NAV2: variants seen among roughly 807,000 people sequenced by gnomAD.
NAV2 encodes the protein neuron navigator 2.
Under a neutral mutation model 223.2 loss-of-function variants are expected in NAV2, and 54 were observed. The observed-to-expected ratio is 0.24, with a 90% confidence interval of 0.19 to 0.30. NAV2 has a LOEUF of 0.30. Among genes scored for constraint, NAV2 ranks in the 10% least tolerant of loss-of-function variants. NAV2 has a pLI of 1.00. For missense variants in NAV2, 2,806 were observed against 3,147.5 expected, an observed-to-expected ratio of 0.89 and a Z score of 2.60; for synonymous variants, 1,279 against 1,239.3, an observed-to-expected ratio of 1.03 and a Z score of -0.67.
At chr11:20,055,709 A>G (rs1034743210) in intron 18 of NAV2, 60 bp from the exon 19 acceptor site, 4 of 1,482,146 alleles carry the variant, frequency 2.7e-6, no homozygotes, top group Non-Finnish European at 3.7e-6. Context: ...TTTGTCCCCA[A>G]CCAGGATTTG....
intron 1 of NAV2, among the ~76,000 whole-genome samples, chr11:19,430,388 C>G (rs1013641980): frequency 6.6e-6 from 1 of 152,230 alleles, no homozygotes; most frequent in African/African-American, 2.4e-5. Context: ...TCAGTCCCCT[C>G]TCGCATAGCC....
chr11:19,845,929 T>C (rs11605278), intron 3 of NAV2, among the ~76,000 whole-genome samples: 1 of 152,000 alleles, frequency 6.6e-6, no homozygotes, highest in Non-Finnish European at 1.5e-5. Context: ...AATACACAGG[T>C]GACCAAGATG....
chr11:19,488,778 A>G (rs193054930), intron 1 of NAV2, among the ~76,000 whole-genome samples: 49 of 152,372 alleles, frequency 3.2e-4, no homozygotes, highest in Non-Finnish European at 5.3e-4. Flanking sequence ...CTGTACAAAT[A>G]CAAATAATGT....
At chr11:19,892,204 A>G (rs780965722) in intron 5 of NAV2, among the ~76,000 whole-genome samples, 7 of 152,126 alleles carry the variant, frequency 4.6e-5, no homozygotes, top group Non-Finnish European at 8.8e-5. Context: ...TTCTTCATCA[A>G]AATTTTTCTC....
intron 1 of NAV2, among the ~76,000 whole-genome samples, chr11:19,393,143 G>A (rs111854704): frequency 1.3e-5 from 2 of 152,186 alleles, no homozygotes; most frequent in African/African-American, 2.4e-5. Context: ...TTCCCAGACT[G>A]TCCATCCCTC....
chr11:19,616,908 T>C (rs2046813357), intron 1 of NAV2, among the ~76,000 whole-genome samples: 1 of 152,076 alleles, frequency 6.6e-6, no homozygotes, highest in East Asian at 1.9e-4. Flanking sequence ...AATTCTGCCT[T>C]TGCCATGTAC....
At chr11:19,841,562 A>C (rs2060511960) in intron 2 of NAV2, among the ~76,000 whole-genome samples, 1 of 152,220 alleles carries the variant, frequency 6.6e-6, no homozygotes. Context: ...AGGCTCTCAC[A>C]GCATATTTTG....
intron 35 of NAV2, among the ~76,000 whole-genome samples, chr11:20,106,147 GTGTGTGTGTATATATATATATATATATA>G (rs1410520684): frequency 0.013 from 276 of 22,006 alleles, 12 homozygotes; most frequent in African/African-American, 0.015. Flanking sequence ...GTTCATATGT[GTGTGTGTGTATATATATATATATATATA>G]TGTGTGTGTA....
At chr11:19,915,729 C>T (rs2043745814) in intron 6 of NAV2, among the ~76,000 whole-genome samples, 1 of 152,210 alleles carries the variant, frequency 6.6e-6, no homozygotes, top group Admixed American at 6.5e-5. Context: ...TAGTTGTCCT[C>T]CCCAGGTTCC....
In NAV2 at chr11:19,488,586, T is replaced by A. The variant is rs982223548; in HGVS notation, c.75+137559T>A. ...ACCCTACAGGGAGTGATTTCATAAA[T>A]CATCAGTTGCTTTACCTCTAAATTG... On this transcript the variant is annotated intron_variant, in intron 1 of 37. Transcript: ENST00000360655. Among the ~76,000 whole-genome samples the A allele has an allele frequency of 6.6e-5, 10 of 152,334 alleles. No individual in the cohort carries two copies. In the South Asian group the frequency reaches 1.5e-3, roughly 22 times the overall value.
intron 17 of NAV2, among the ~76,000 whole-genome samples, chr11:20,053,318 TCTCAA>T (rs2058146261): frequency 6.7e-6 from 1 of 148,358 alleles, no homozygotes; most frequent in Non-Finnish European, 1.5e-5. Flanking sequence ...TGGATTGAAA[TCTCAA>T]CTCTGTGACT....
At chr11:19,938,079 G>A (rs2046070227) in intron 7 of NAV2, among the ~76,000 whole-genome samples, 1 of 152,218 alleles carries the variant, frequency 6.6e-6, no homozygotes, top group Non-Finnish European at 1.5e-5. Context: ...GCCATGTGGA[G>A]AGAAGCCACA....
chr11:19,664,370 T>C (rs1240491819), intron 1 of NAV2, among the ~76,000 whole-genome samples: 1 of 152,192 alleles, frequency 6.6e-6, no homozygotes, highest in Admixed American at 6.5e-5. Flanking sequence ...GAGCTAGATT[T>C]GCCAGTTTCC....
chr11:19,959,867 TCCC>T (rs879879209), intron 10 of NAV2, among the ~76,000 whole-genome samples: 1 of 151,952 alleles, frequency 6.6e-6, no homozygotes, highest in South Asian at 2.1e-4. Flanking sequence ...TGCTCCTTCT[TCCC>T]CCCCCACCAT....
intron 1 of NAV2, among the ~76,000 whole-genome samples, chr11:19,393,906 C>CTT (rs5790073): frequency 0.03 from 4,133 of 135,592 alleles, 256 homozygotes; most frequent in African/African-American, 0.1. Context: ...TTTTTTTTTT[C>CTT]TTTTTTTTTT....
At chr11:19,689,881 T>A (rs556656631) in intron 1 of NAV2, among the ~76,000 whole-genome samples, 1 of 152,322 alleles carries the variant, frequency 6.6e-6, no homozygotes, top group African/African-American at 2.4e-5. Flanking sequence ...TGCACGATAC[T>A]GACTATCATA....
chr11:20,007,219 G>A (rs1172957916), intron 11 of NAV2, among the ~76,000 whole-genome samples: 1 of 151,902 alleles, frequency 6.6e-6, no homozygotes, highest in African/African-American at 2.4e-5. Context: ...AAAGTGTTAG[G>A]ATTACAGACT....
chr11:19,743,264 G>C (rs1340213457), intron 1 of NAV2, among the ~76,000 whole-genome samples: 1 of 152,236 alleles, frequency 6.6e-6, no homozygotes, highest in Non-Finnish European at 1.5e-5. Flanking sequence ...GGTTATAGCT[G>C]TTGCAGCTCC....
chr11:19,953,022 A>G (rs2047524596), intron 10 of NAV2, among the ~76,000 whole-genome samples: 1 of 152,180 alleles, frequency 6.6e-6, no homozygotes, highest in African/African-American at 2.4e-5. Context: ...AATTTCTCTT[A>G]CTAGGTTTTG....
Sources: gnomAD v4.1 joint callset for allele counts (sites outside exome capture counted in the v4.1 genomes callset) on GRCh38, gnomAD v4.1.1 for gene constraint, MANE v1.5 for transcripts, NCBI Gene and HGNC (gene_info 2026-07-23, HGNC 2026-07-21) for gene names.